EHMT1: variants seen among roughly 807,000 people sequenced by gnomAD.
EHMT1 encodes euchromatic histone lysine methyltransferase 1.
EHMT1 carries 15 observed loss-of-function variants against 147.2 expected under a neutral mutation model. The observed-to-expected ratio is 0.10, with a 90% CI of 0.07 to 0.16. The LOEUF is 0.16. Among genes scored for constraint, EHMT1 ranks in the 10% least tolerant of loss-of-function variants. The pLI, the probability that EHMT1 is intolerant of heterozygous loss-of-function variation, is 1.00. For synonymous variants in EHMT1, 795 were observed against 709.6 expected (o/e 1.12, Z -1.91); for missense variants, 1,587 against 1,772.4 (o/e 0.90, Z 1.88).
intron 1 of EHMT1, among the ~76,000 whole-genome samples, chr9:137,682,503 G>A (rs1471891057): frequency 2.0e-5 from 3 of 152,130 alleles, no homozygotes; most frequent in Non-Finnish European, 2.9e-5. Context: ...TGTAGCGAGC[G>A]TCTCCCTGGC....
intron 1 of EHMT1, among the ~76,000 whole-genome samples, chr9:137,705,218 C>T (rs968697380): frequency 2.0e-5 from 3 of 152,072 alleles, no homozygotes; most frequent in African/African-American, 7.2e-5. Context: ...GTCTTGAACT[C>T]CTGAGCTCAA....
At chr9:137,739,568 C>G (rs1395120193) in intron 4 of EHMT1, among the ~76,000 whole-genome samples, 5 of 151,764 alleles carry the variant, frequency 3.3e-5, no homozygotes, top group African/African-American at 1.2e-4. Flanking sequence ...CTGCTGGGTT[C>G]ATTTTCCACA....
chr9:137,627,667 A>G (rs1176496069), intron 1 of EHMT1, among the ~76,000 whole-genome samples: 2 of 149,606 alleles, frequency 1.3e-5, no homozygotes, highest in Non-Finnish European at 1.5e-5. Flanking sequence ...TTCTTGAAGG[A>G]TCCCTCAATT....
chr9:137,749,838 A>T (rs1238919051), intron 6 of EHMT1, among the ~76,000 whole-genome samples: 1 of 152,234 alleles, frequency 6.6e-6, no homozygotes, highest in Non-Finnish European at 1.5e-5. Context: ...TTTTAAAATA[A>T]GAAACCTGTC....
chr9:137,818,803 C>T (rs62590783), intron 25 of EHMT1, among the ~76,000 whole-genome samples: 659 of 1,176 alleles, frequency 0.56, 97 homozygotes, highest in Middle Eastern at 0.75. Flanking sequence ...GTACCGAGAC[C>T]GTAGAGAGGC....
chr9:137,780,099 T>TGTGTG (rs202198452), intron 14 of EHMT1, among the ~76,000 whole-genome samples: 1 of 134,024 alleles, frequency 7.5e-6, no homozygotes, highest in African/African-American at 3.0e-5. Context: ...GATGCTGAGA[T>TGTGTG]GTGATGACGC....
rs374037648 is a variant in EHMT1 at position 137,640,025 on chromosome 9, C to A, written c.21+20976C>A. ...TCTTGGCTCACCGTAACCTCTGCCT[C>A]CCGGGTTCGAGTGATTGTCCTGCCT... On this transcript the variant is annotated intron_variant, in intron 1 of 26. Transcript: ENST00000460843. Among the ~76,000 whole-genome samples, 125 of 152,194 alleles carry A rather than the reference C, an allele frequency of 8.2e-4. 1 individual carries two copies. In the South Asian group the frequency reaches 0.025, roughly 31 times the overall value.
At chr9:137,719,567 C>T (rs1945725634) in intron 3 of EHMT1, among the ~76,000 whole-genome samples, 1 of 152,202 alleles carries the variant, frequency 6.6e-6, no homozygotes, top group South Asian at 2.1e-4. Flanking sequence ...CTGTACATGG[C>T]AAAGCTTTAG....
chr9:137,673,402 G>A (rs1314693184), intron 1 of EHMT1, among the ~76,000 whole-genome samples: 1 of 152,174 alleles, frequency 6.6e-6, no homozygotes, highest in Non-Finnish European at 1.5e-5. Context: ...TTCATGGTGT[G>A]TAAGTTCTGT....
chr9:137,755,685 C>G (rs1336525095), intron 8 of EHMT1, among the ~76,000 whole-genome samples: 3 of 152,218 alleles, frequency 2.0e-5, no homozygotes, highest in Non-Finnish European at 4.4e-5. Context: ...TAGGTCCAGA[C>G]AACACACAAG....
chr9:137,768,980 C>G (rs1950426218), intron 10 of EHMT1, among the ~76,000 whole-genome samples: 1 of 152,218 alleles, frequency 6.6e-6, no homozygotes, highest in Admixed American at 6.5e-5. Context: ...AGCTACCACA[C>G]CCAGCCTTTT....
intron 1 of EHMT1, among the ~76,000 whole-genome samples, chr9:137,682,173 C>T (rs1488553138): frequency 6.6e-6 from 1 of 152,124 alleles, no homozygotes; most frequent in Non-Finnish European, 1.5e-5. Context: ...TGGTCTCAAT[C>T]TCCTGACCTC....
chr9:137,655,344 C>T (rs910274092), intron 1 of EHMT1, among the ~76,000 whole-genome samples: 1 of 152,150 alleles, frequency 6.6e-6, no homozygotes, highest in Non-Finnish European at 1.5e-5. Flanking sequence ...ACTACACTGG[C>T]AACCTCACTG....
At chr9:137,698,724 G>T (rs745625475) in intron 1 of EHMT1, among the ~76,000 whole-genome samples, 1 of 152,056 alleles carries the variant, frequency 6.6e-6, no homozygotes. Flanking sequence ...GGCCAGTGTC[G>T]CAGTCAACAC....
At chr9:137,711,690 A>C (rs1944741519) in intron 2 of EHMT1, among the ~76,000 whole-genome samples, 1 of 152,032 alleles carries the variant, frequency 6.6e-6, no homozygotes, top group Non-Finnish European at 1.5e-5. Context: ...TGGCGCACAC[A>C]TAGGGTTCGG....
At chr9:137,834,073 G>A (rs926379462) in intron 25 of EHMT1, 29 of 540,256 alleles carry the variant, frequency 5.4e-5, no homozygotes, top group African/African-American at 2.9e-4. Flanking sequence ...GAAGCCCCAT[G>A]GGGACGCCGT....
At chr9:137,779,876 G>C (rs879081293) in intron 14 of EHMT1, among the ~76,000 whole-genome samples, 159 bp downstream of exon 14, 1 of 152,224 alleles carries the variant, frequency 6.6e-6, no homozygotes, top group African/African-American at 2.4e-5. Context: ...GTTGCCCACT[G>C]GTGTTGAGGC....
chr9:137,736,793 A>G (rs1258967583), intron 4 of EHMT1, among the ~76,000 whole-genome samples: 1 of 152,152 alleles, frequency 6.6e-6, no homozygotes, highest in Non-Finnish European at 1.5e-5. Flanking sequence ...TGGGAGGCCG[A>G]GGCACGAGAA....
chr9:137,765,085 C>G (rs189880912), intron 10 of EHMT1, among the ~76,000 whole-genome samples: 1 of 152,232 alleles, frequency 6.6e-6, no homozygotes, highest in South Asian at 2.1e-4. Context: ...CCTGTCCGCC[C>G]GAAGGCGGTA....
Sources: gnomAD v4.1 joint callset for allele counts (sites outside exome capture counted in the v4.1 genomes callset) on GRCh38, gnomAD v4.1.1 for gene constraint, MANE v1.5 for transcripts, NCBI Gene and HGNC (gene_info 2026-07-23, HGNC 2026-07-21) for gene names.